The following ADGRL2 variants were observed in gnomAD, a reference collection of about 807,000 sequenced individuals.
ADGRL2 encodes the protein calcium-independent alpha-latrotoxin receptor 2.
A neutral mutation model predicts 157.4 loss-of-function variants in ADGRL2; 44 were observed. The observed-to-expected ratio is 0.28, with a 90% CI of 0.22 to 0.36. ADGRL2 has a LOEUF of 0.36. ADGRL2 is among the 10% of genes least tolerant of loss of function. The pLI, the probability that ADGRL2 is intolerant of heterozygous loss-of-function variation, is 1.00. For synonymous variants in ADGRL2, 585 were observed against 624.7 expected (o/e 0.94, Z 0.95); for missense variants, 1,510 against 1,768.9 (o/e 0.85, Z 2.63).
chr1:81,750,237 G>A (rs1041275490), intron 1 of ADGRL2, among the ~76,000 whole-genome samples: 9 of 152,220 alleles, frequency 5.9e-5, no homozygotes, highest in Non-Finnish European at 1.0e-4. Flanking sequence ...TGTGAACAGA[G>A]AGCCTCAGTA....
intron 1 of ADGRL2, among the ~76,000 whole-genome samples, chr1:81,399,487 C>CT (rs147586058): frequency 0.027 from 4,132 of 151,158 alleles, 88 homozygotes; most frequent in Middle Eastern, 0.092. Flanking sequence ...TTCTTATTTC[C>CT]TTTTTTTTTC....
chr1:81,405,316 G>C (rs2076833403), intron 1 of ADGRL2, among the ~76,000 whole-genome samples: 1 of 152,114 alleles, frequency 6.6e-6, no homozygotes, highest in African/African-American at 2.4e-5. Flanking sequence ...TATTAATTTA[G>C]AATTGGATGT....
intron 1 of ADGRL2, among the ~76,000 whole-genome samples, chr1:81,380,203 G>T (rs560603729): frequency 1.3e-5 from 2 of 152,186 alleles, no homozygotes; most frequent in East Asian, 3.9e-4. Flanking sequence ...TGAAGTGGAC[G>T]TTTTCCCATA....
intron 2 of ADGRL2, among the ~76,000 whole-genome samples, chr1:81,450,854 T>G (rs1286824599): frequency 6.6e-6 from 1 of 152,088 alleles, no homozygotes; most frequent in African/African-American, 2.4e-5. Flanking sequence ...ACAGACCCCA[T>G]GCTAATGACT....
intron 1 of ADGRL2, among the ~76,000 whole-genome samples, chr1:81,425,181 A>G (rs1264866398): frequency 6.6e-6 from 1 of 152,194 alleles, no homozygotes; most frequent in Non-Finnish European, 1.5e-5. Flanking sequence ...CATCCTTTTC[A>G]TTTATTTTAA....
At chr1:81,874,280 A>G (rs997073994) in intron 2 of ADGRL2, among the ~76,000 whole-genome samples, 26 of 152,232 alleles carry the variant, frequency 1.7e-4, no homozygotes, top group African/African-American at 5.5e-4. Context: ...CCCTTGCTTT[A>G]TAGTGTCAGT....
At chr1:81,644,538 C>T (rs551600445) in intron 3 of ADGRL2, among the ~76,000 whole-genome samples, 25 of 152,164 alleles carry the variant, frequency 1.6e-4, no homozygotes, top group African/African-American at 4.1e-4. Context: ...AACACAAACC[C>T]GATTTAAAAA....
intron 3 of ADGRL2, among the ~76,000 whole-genome samples, chr1:81,928,649 G>A (rs1557932088): frequency 6.6e-6 from 1 of 152,076 alleles, no homozygotes; most frequent in Non-Finnish European, 1.5e-5. Context: ...AAGAATGCAT[G>A]TAATTCCTAT....
At chr1:81,754,504 CTCTT>C (rs1304201507) in intron 1 of ADGRL2, among the ~76,000 whole-genome samples, 3 of 131,788 alleles carry the variant, frequency 2.3e-5, no homozygotes, top group Admixed American at 7.9e-5. Context: ...TCTTTCCTTC[CTCTT>C]TCTTTCTTCC....
chr1:81,712,574 A>G (rs2083965968), intron 1 of ADGRL2, among the ~76,000 whole-genome samples: 2 of 152,118 alleles, frequency 1.3e-5, no homozygotes, highest in African/African-American at 2.4e-5. Flanking sequence ...GCCAAAGGTT[A>G]CAAAAGCACA....
chr1:81,443,209 T>C (rs1479534842), intron 1 of ADGRL2, among the ~76,000 whole-genome samples: 2 of 152,032 alleles, frequency 1.3e-5, no homozygotes, highest in African/African-American at 4.8e-5. Flanking sequence ...TCACCTGAAG[T>C]CAAGAGTTCG....
intron 1 of ADGRL2, among the ~76,000 whole-genome samples, chr1:81,330,326 T>C (rs561085909): frequency 6.6e-6 from 1 of 152,260 alleles, no homozygotes; most frequent in East Asian, 1.9e-4. Flanking sequence ...ACACATGTGA[T>C]ACACTGCCTG....
chr1:81,313,391 T>C (rs1659882497), intron 1 of ADGRL2, among the ~76,000 whole-genome samples: 1 of 152,218 alleles, frequency 6.6e-6, no homozygotes, highest in Non-Finnish European at 1.5e-5. Context: ...ATTAACATTT[T>C]CACCCAATTC....
upstream of ADGRL2, among the ~76,000 whole-genome samples, chr1:81,698,323 A>C (rs944651879): frequency 2.6e-5 from 4 of 152,178 alleles, no homozygotes; most frequent in African/African-American, 9.6e-5. Flanking sequence ...ATTACTGCTC[A>C]CATGTATGTG....
intron 1 of ADGRL2, among the ~76,000 whole-genome samples, chr1:81,749,931 GATTA>G (rs2085433876): frequency 6.6e-6 from 1 of 152,074 alleles, no homozygotes; most frequent in African/African-American, 2.4e-5. Flanking sequence ...AAAATATATT[GATTA>G]ATTGAGAACT....
At chr1:81,400,192 A>T (rs2076727548) in intron 1 of ADGRL2, among the ~76,000 whole-genome samples, 1 of 151,924 alleles carries the variant, frequency 6.6e-6, no homozygotes, top group African/African-American at 2.4e-5. Flanking sequence ...GGAAAGTCTT[A>T]TCTTAGGGTA....
chr1:81,536,878 G>A (rs1178127645), intron 2 of ADGRL2, among the ~76,000 whole-genome samples: 1 of 152,210 alleles, frequency 6.6e-6, no homozygotes. Context: ...GAAGGGCACT[G>A]AGCTAGGCAC....
At chr1:81,478,107 G>C (rs775416535) in intron 2 of ADGRL2, among the ~76,000 whole-genome samples, 1 of 151,322 alleles carries the variant, frequency 6.6e-6, no homozygotes, top group African/African-American at 2.4e-5. Context: ...ACTGCTTTCA[G>C]AAAGAGTCTG....
intron 1 of ADGRL2, chr1:81,722,963 G>A: frequency 1.3e-6 from 1 of 769,564 alleles, no homozygotes; most frequent in South Asian, 1.3e-5. Flanking sequence ...AGTTATGGTG[G>A]CCTTCCAGGA....
Sources: gnomAD v4.1 joint callset for allele counts (sites outside exome capture counted in the v4.1 genomes callset) on GRCh38, gnomAD v4.1.1 for gene constraint, MANE v1.5 for transcripts, NCBI Gene and HGNC (gene_info 2026-07-23, HGNC 2026-07-21) for gene names.